The following CDK14 variants were observed in gnomAD, a reference collection of about 807,000 sequenced individuals.
CDK14 encodes cyclin dependent kinase 14.
In CDK14, 34 loss-of-function variants were observed where a neutral mutation model predicts 60.7. The observed-to-expected ratio is 0.56, with a 90% CI of 0.43 to 0.75. The LOEUF is 0.75. CDK14 is among the 30% of genes least tolerant of loss of function. CDK14 has a pLI of 0.00. For synonymous variants in CDK14, 197 were observed against 203.7 expected (o/e 0.97, Z 0.28); for missense variants, 482 against 564.1 (o/e 0.85, Z 1.47).
intron 2 of CDK14, among the ~76,000 whole-genome samples, chr7:90,698,768 A>G (rs561975136): frequency 6.6e-6 from 1 of 152,050 alleles, no homozygotes; most frequent in African/African-American, 2.4e-5. Context: ...TACTCACTAA[A>G]TTTTCCTCGT....
chr7:90,813,122 C>G (rs560411387), intron 5 of CDK14, among the ~76,000 whole-genome samples: 3 of 152,264 alleles, frequency 2.0e-5, no homozygotes, highest in African/African-American at 7.2e-5. Context: ...AAACACTGTG[C>G]TAAGTTAAAT....
At chr7:90,858,535 A>G (rs1428096636) in intron 5 of CDK14, among the ~76,000 whole-genome samples, 1 of 152,216 alleles carries the variant, frequency 6.6e-6, no homozygotes, top group Non-Finnish European at 1.5e-5. Context: ...GAATTTGACA[A>G]GATTGCAAAT....
chr7:91,194,927 A>G (rs749297157), intron 14 of CDK14, among the ~76,000 whole-genome samples: 2 of 152,198 alleles, frequency 1.3e-5, no homozygotes, highest in African/African-American at 2.4e-5. Context: ...GTAAAAAAAC[A>G]TGAAGCATCC....
At chr7:90,872,034 G>A (rs764497883) in intron 6 of CDK14, among the ~76,000 whole-genome samples, 3 of 151,994 alleles carry the variant, frequency 2.0e-5, no homozygotes, top group South Asian at 2.1e-4. Context: ...CAACATATAC[G>A]GACTGTCTTC....
chr7:91,059,274 A>G (rs946953967), intron 11 of CDK14, among the ~76,000 whole-genome samples: 3 of 150,654 alleles, frequency 2.0e-5, no homozygotes, highest in Admixed American at 1.3e-4. Context: ...TTTTTATTGC[A>G]TCTATTTGAT....
chr7:90,596,962 C>T (rs1737069646), intron 1 of CDK14, among the ~76,000 whole-genome samples: 1 of 152,134 alleles, frequency 6.6e-6, no homozygotes, highest in Non-Finnish European at 1.5e-5. Flanking sequence ...ATGGGTTCTC[C>T]CCTCCTCCGC....
At chr7:91,100,714 G>A (rs1405409666) in intron 12 of CDK14, among the ~76,000 whole-genome samples, 1 of 152,094 alleles carries the variant, frequency 6.6e-6, no homozygotes, top group African/African-American at 2.4e-5. Context: ...TTCCAGGAAG[G>A]GTAGAAAATA....
rs3779581 is a variant in CDK14, at chr7:91,045,880, C to T, written c.1042-17C>T. 0.14 allele frequency: 217,375 copies of T among 1,563,572 alleles called. 16,629 individuals carry two copies. Among genetic ancestry groups the T allele is most frequent in the Non-Finnish European group, 0.15 (171,804 of 1,134,302 alleles). ...GAAATAATAAGGCTGTTTCCACAAT[C>T]TCCTACTCTCCACTAGGTTCTTGGA... On this transcript the variant is annotated splice_polypyrimidine_tract_variant and intron_variant, in intron 10 of 14. Coordinates refer to ENST00000380050, the MANE Select transcript of CDK14 (RefSeq NM_001287135.2).
intron 2 of CDK14, among the ~76,000 whole-genome samples, chr7:90,695,692 G>A (rs537085969): frequency 1.3e-5 from 2 of 152,322 alleles, no homozygotes; most frequent in East Asian, 3.9e-4. Context: ...AAGGTGACAT[G>A]TGAGTGTAGA....
At chr7:90,905,794 C>G (rs1016991591) in intron 7 of CDK14, among the ~76,000 whole-genome samples, 1 of 152,144 alleles carries the variant, frequency 6.6e-6, no homozygotes, top group Non-Finnish European at 1.5e-5. Flanking sequence ...GGTTCATCAT[C>G]ATTTTCATAT....
intron 14 of CDK14, among the ~76,000 whole-genome samples, chr7:91,143,728 A>G (rs1169409759): frequency 6.6e-6 from 1 of 152,164 alleles, no homozygotes; most frequent in Admixed American, 6.5e-5. Context: ...TAATAATAAT[A>G]GTAATAGTGA....
chr7:90,710,293 CTTTA>C (rs1802012506), intron 2 of CDK14: 1 of 985,134 alleles, frequency 1.0e-6, no homozygotes, highest in African/African-American at 1.7e-5. Flanking sequence ...TGAAACTAGT[CTTTA>C]TTTATTACAG....
intron 2 of CDK14, among the ~76,000 whole-genome samples, chr7:90,649,362 TTCCTTTCCTTCCTTCCTTCC>T (rs1800562688): frequency 2.5e-5 from 1 of 39,710 alleles, no homozygotes; most frequent in African/African-American, 1.6e-4. Flanking sequence ...CCTTCCTTCC[TTCCTTTCCTTCCTTCCTTCC>T]TTCCTTCCTT....
chr7:91,079,004 A>G (rs769794881), intron 11 of CDK14, among the ~76,000 whole-genome samples: 3 of 152,210 alleles, frequency 2.0e-5, no homozygotes, highest in Non-Finnish European at 1.5e-5. Flanking sequence ...ATACCATACA[A>G]TATAGGAAAG....
intron 4 of CDK14, among the ~76,000 whole-genome samples, chr7:90,764,486 A>T (rs1377511977): frequency 6.6e-6 from 1 of 152,186 alleles, no homozygotes; most frequent in Non-Finnish European, 1.5e-5. Context: ...ATACAAAGGA[A>T]GTATACTGTA....
At chr7:90,970,006 G>A (rs948541014) in intron 9 of CDK14, among the ~76,000 whole-genome samples, 5 of 144,460 alleles carry the variant, frequency 3.5e-5, no homozygotes, top group African/African-American at 7.7e-5. Flanking sequence ...TCACTCTGTC[G>A]CCCAGGCTGG....
chr7:91,091,315 TTATG>T (rs966976953), intron 12 of CDK14, among the ~76,000 whole-genome samples: 38 of 144,686 alleles, frequency 2.6e-4, no homozygotes, highest in African/African-American at 7.1e-4. Context: ...CATATATAAT[TTATG>T]TATACACATA....
chr7:90,633,095 C>A (rs372950519), intron 2 of CDK14, among the ~76,000 whole-genome samples: 62 of 144,764 alleles, frequency 4.3e-4, no homozygotes, highest in East Asian at 1.0e-3. Flanking sequence ...GATTCTGTCT[C>A]AAAAAAAAAA....
At chr7:90,672,328 C>T (rs561763955) in intron 2 of CDK14, among the ~76,000 whole-genome samples, 4 of 152,114 alleles carry the variant, frequency 2.6e-5, no homozygotes, top group Admixed American at 1.3e-4. Context: ...CACTTACGTG[C>T]CCTCCTTGCC....
Sources: gnomAD v4.1 joint callset for allele counts (sites outside exome capture counted in the v4.1 genomes callset) on GRCh38, gnomAD v4.1.1 for gene constraint, MANE v1.5 for transcripts, NCBI Gene and HGNC (gene_info 2026-07-23, HGNC 2026-07-21) for gene names.